CELF2: variants seen among roughly 807,000 people sequenced by gnomAD.
The protein encoded by CELF2 is CUGBP Elav-like family member 2.
In CELF2, 8 loss-of-function variants were observed where a neutral mutation model predicts 62.6. The ratio of observed to expected loss-of-function variants is 0.13; its 90% CI spans 0.07 to 0.23. CELF2 has a LOEUF of 0.23. CELF2 is among the 10% of genes least tolerant of loss of function. The probability of loss-of-function intolerance (pLI) is 1.00; values close to 1 mark genes in which losing one functional copy is unlikely to be tolerated. For missense variants in CELF2, 333 were observed against 671.0 expected (o/e 0.50, Z 5.56); for synonymous variants, 258 against 250.0 (o/e 1.03, Z -0.30).
chr10:11,183,412 T>G (rs1177953037), intron 2 of CELF2, among the ~76,000 whole-genome samples: 1 of 152,224 alleles, frequency 6.6e-6, no homozygotes, highest in South Asian at 2.1e-4. Context: ...GGAACATCCA[T>G]GTACAAGTAT....
Position 11,207,289 on chromosome 10 carries a change from G to A in CELF2, c.272-10136G>A, listed in dbSNP as rs983091550. On this transcript the variant is annotated intron_variant, in intron 2 of 12. Transcript: ENST00000633077. This position sits in a 1 kb window ranked among gnomAD's most constrained non-coding sequence, Gnocchi z 4.1. ...ACTCCATTTTCCTCGCAGAAAACAGGGAGCTTGCTAGTCTTCACGGGGTCA... is the reference window on the plus strand; with the variant it reads ...ACTCCATTTTCCTCGCAGAAAACAGAGAGCTTGCTAGTCTTCACGGGGTCA... Among the ~76,000 whole-genome samples, 3 of 152,180 alleles carry A rather than the reference G, an allele frequency of 2.0e-5. No individual in the cohort carries two copies. Among genetic ancestry groups the A allele is most frequent in the Admixed American group, 2.0e-4 (3 of 15,288 alleles).
chr10:11,320,495 A>G (rs2095371655), intron 10 of CELF2, among the ~76,000 whole-genome samples: 1 of 152,246 alleles, frequency 6.6e-6, no homozygotes, highest in African/African-American at 2.4e-5. Context: ...GAGTAGCTTC[A>G]GCTCTCTGCG....
chr10:10,971,810 C>T (rs1323933248), intron 2 of CELF2, among the ~76,000 whole-genome samples: 1 of 152,200 alleles, frequency 6.6e-6, no homozygotes, highest in Non-Finnish European at 1.5e-5. Context: ...TGGTCTCGAG[C>T]TCCTGACCTC....
At chr10:10,942,280 G>A (rs1291943100) in intron 2 of CELF2, among the ~76,000 whole-genome samples, 3 of 152,150 alleles carry the variant, frequency 2.0e-5, no homozygotes, top group African/African-American at 4.8e-5. Flanking sequence ...CAGGAAATTG[G>A]GCACAGCTTT....
At chr10:10,472,870 A>C in the CELF2 span, among the ~76,000 whole-genome samples, 1 of 151,960 alleles carries the variant, frequency 6.6e-6, no homozygotes, top group Admixed American at 6.6e-5. Flanking sequence ...GTAATTTGGC[A>C]ACTTAGAATT....
chr10:10,566,857 A>C, the CELF2 span, among the ~76,000 whole-genome samples: 1 of 152,232 alleles, frequency 6.6e-6, no homozygotes, highest in African/African-American at 2.4e-5. Context: ...AAAATAAGTA[A>C]CTATCCTAGA....
intron 1 of CELF2, among the ~76,000 whole-genome samples, chr10:10,845,568 A>T (rs2058961146): frequency 6.6e-6 from 1 of 152,180 alleles, no homozygotes; most frequent in African/African-American, 2.4e-5. Flanking sequence ...GATATCAAAG[A>T]GAGATTCTAA....
chr10:11,330,106 G>GTTGTTTGTATCTGTCTGATTATT lies in CELF2; in HGVS notation c.*1063_*1085dup. 6.6e-6 allele frequency: 1 copy of GTTGTTTGTATCTGTCTGATTATT among 152,534 alleles called. No individual in the cohort carries two copies. The highest frequency in any genetic ancestry group is 2.1e-4 in the South Asian group (1 of 4,814). The allele number at this position is 152,534 out of a possible 1,614,324, so 9.4% of individuals were successfully genotyped here. On this transcript the variant is annotated 3_prime_UTR_variant, in exon 13 of 13. Transcript: ENST00000633077. This position sits in a 1 kb window ranked among gnomAD's most constrained non-coding sequence, Gnocchi z 4.5. ...CCTGAAGTTCATGCTTTATCCTCTC[G>GTTGTTTGTATCTGTCTGATTATT]TTGTTTGTATCTGTCTGATTATTTT...
At chr10:10,503,809 TTC>T in the CELF2 span, among the ~76,000 whole-genome samples, 2 of 151,988 alleles carry the variant, frequency 1.3e-5, no homozygotes, top group Non-Finnish European at 2.9e-5. Flanking sequence ...CATTTCTGTT[TTC>T]TTTTTCTTTT....
the CELF2 span, among the ~76,000 whole-genome samples, chr10:10,695,103 G>C: frequency 5.4e-5 from 8 of 149,528 alleles, no homozygotes; most frequent in Non-Finnish European, 1.5e-5. Flanking sequence ...TCCTAGTCTC[G>C]ATGGTCTTTA....
chr10:11,154,589 C>T (rs916355498), intron 1 of CELF2, among the ~76,000 whole-genome samples: 4 of 152,216 alleles, frequency 2.6e-5, no homozygotes, highest in Admixed American at 6.5e-5. Flanking sequence ...GAATTCAGTG[C>T]AGTCACTGTA....
chr10:11,079,770 C>G (rs1248288278), intron 1 of CELF2, among the ~76,000 whole-genome samples: 1 of 133,948 alleles, frequency 7.5e-6, no homozygotes, highest in African/African-American at 2.8e-5. Flanking sequence ...GCCATGGAAT[C>G]TAGCAATTCA....
At chr10:11,088,166 G>A (rs1274935831) in intron 1 of CELF2, among the ~76,000 whole-genome samples, 1 of 152,258 alleles carries the variant, frequency 6.6e-6, no homozygotes, top group Non-Finnish European at 1.5e-5. Flanking sequence ...GGAGGCTAGA[G>A]TGAAGTGCTG....
the CELF2 span, among the ~76,000 whole-genome samples, chr10:10,741,826 G>A: frequency 6.6e-6 from 1 of 152,130 alleles, no homozygotes; most frequent in Non-Finnish European, 1.5e-5. Flanking sequence ...CAAGTATCCC[G>A]ATTCCTCCTC....
the CELF2 span, among the ~76,000 whole-genome samples, chr10:10,531,428 G>T: frequency 6.6e-6 from 1 of 152,130 alleles, no homozygotes; most frequent in Non-Finnish European, 1.5e-5. Flanking sequence ...AATAACCAAT[G>T]ATTTTATTAA....
chr10:10,484,685 A>G, the CELF2 span, among the ~76,000 whole-genome samples: 25 of 152,120 alleles, frequency 1.6e-4, 1 homozygote, highest in Non-Finnish European at 3.5e-4. Context: ...GCCCCAGTCA[A>G]TGTGGAGCTG....
At chr10:10,866,664 A>T (rs999951440) in intron 1 of CELF2, among the ~76,000 whole-genome samples, 7 of 151,218 alleles carry the variant, frequency 4.6e-5, no homozygotes, top group Non-Finnish European at 1.0e-4. Context: ...AGCTAATAAA[A>T]TTGTGGTGAG....
chr10:11,258,937 G>A (rs1463840104), intron 5 of CELF2, among the ~76,000 whole-genome samples: 1 of 152,222 alleles, frequency 6.6e-6, no homozygotes, highest in Non-Finnish European at 1.5e-5. Context: ...ACCCGCCTCA[G>A]CCTCCCAAAG....
chr10:10,660,884 C>T, the CELF2 span, among the ~76,000 whole-genome samples: 1 of 152,174 alleles, frequency 6.6e-6, no homozygotes, highest in Non-Finnish European at 1.5e-5. Flanking sequence ...GAAAATTCTA[C>T]AGAACGAACA....
Sources: allele counts gnomAD v4.1 joint callset (sites outside exome capture counted in the v4.1 genomes callset), GRCh38; gene constraint gnomAD v4.1.1; non-coding constraint Gnocchi (gnomAD v3.1); transcripts MANE v1.5; gene names NCBI Gene and HGNC (gene_info 2026-07-23, HGNC 2026-07-21).